Variants in GLI3 observed in about 807,000 individuals in gnomAD.
GLI3 encodes the protein GLI family zinc finger 3.
GLI3 carries 20 observed loss-of-function variants against 100.8 expected under a neutral mutation model. That is an observed-to-expected ratio of 0.20 (90% CI 0.14 to 0.29). The LOEUF (loss-of-function observed/expected upper bound fraction) is 0.29, where lower values mean the gene tolerates loss of function less well. Among genes scored for constraint, GLI3 ranks in the 10% least tolerant of loss-of-function variants. The pLI is 1.00. For missense variants in GLI3, 2,040 were observed against 2,128.5 expected (o/e 0.96, Z 0.82); for synonymous variants, 938 against 860.5 (o/e 1.09, Z -1.58).
chr7:41,986,097 A>G (rs547933481), intron 10 of GLI3, among the ~76,000 whole-genome samples: 26 of 152,344 alleles, frequency 1.7e-4, no homozygotes, highest in African/African-American at 6.3e-4. Context: ...AGAGGACTCA[A>G]GACTTTGGGT....
chr7:42,264,165 T>C (rs1478933609), upstream of GLI3, among the ~76,000 whole-genome samples: 8 of 152,174 alleles, frequency 5.3e-5, no homozygotes, highest in Non-Finnish European at 7.3e-5. Flanking sequence ...GACTTCCCAG[T>C]ATGTCCATTG....
At chr7:42,140,403 C>A (rs192008033) in intron 3 of GLI3, among the ~76,000 whole-genome samples, 1 of 152,190 alleles carries the variant, frequency 6.6e-6, no homozygotes. Flanking sequence ...CAAATGGAAT[C>A]TTGCTTTATT....
chr7:42,049,701 T>C (rs889110782), intron 4 of GLI3, among the ~76,000 whole-genome samples: 3 of 152,170 alleles, frequency 2.0e-5, no homozygotes, highest in African/African-American at 7.2e-5. Context: ...AGACAGCCAC[T>C]TCTAGAATGG....
At chr7:42,201,040 A>T (rs538309409) in intron 2 of GLI3, among the ~76,000 whole-genome samples, 36 of 152,188 alleles carry the variant, frequency 2.4e-4, no homozygotes, top group Non-Finnish European at 5.1e-4. Flanking sequence ...GCCTGAAACC[A>T]CAGATAGTCC....
chr7:42,010,644 CA>C (rs1465313263), intron 10 of GLI3, among the ~76,000 whole-genome samples: 1 of 152,092 alleles, frequency 6.6e-6, no homozygotes, highest in African/African-American at 2.4e-5. Context: ...CTGAAGTGGA[CA>C]GGGGAAGGGG....
intron 10 of GLI3, among the ~76,000 whole-genome samples, chr7:41,981,977 C>G (rs1787680774): frequency 6.6e-6 from 1 of 152,130 alleles, no homozygotes; most frequent in South Asian, 2.1e-4. Flanking sequence ...AACACCCTTG[C>G]TGTTGTCTCC....
chr7:41,968,099 C>G (rs1787239147), intron 13 of GLI3, among the ~76,000 whole-genome samples, 176 bp from the exon 14 acceptor site: 1 of 152,144 alleles, frequency 6.6e-6, no homozygotes. Context: ...GACGGATGGA[C>G]CACCAGGCTG....
At chr7:42,212,302 A>G (rs1788287399) in intron 2 of GLI3, among the ~76,000 whole-genome samples, 1 of 152,248 alleles carries the variant, frequency 6.6e-6, no homozygotes, top group African/African-American at 2.4e-5. Flanking sequence ...CTGCATAAGA[A>G]ACTCCTGAAT....
At chr7:42,220,979 G>A (rs546387459) in intron 2 of GLI3, among the ~76,000 whole-genome samples, 1 of 152,320 alleles carries the variant, frequency 6.6e-6, no homozygotes, top group East Asian at 1.9e-4. Context: ...AACAGGACAG[G>A]ATTCATACAC....
At chr7:42,188,708 CTT>C (rs747497474) in intron 2 of GLI3, among the ~76,000 whole-genome samples, 9 of 152,100 alleles carry the variant, frequency 5.9e-5, no homozygotes, top group Non-Finnish European at 1.3e-4. Context: ...ATGGAGGAAA[CTT>C]ATATCACTAA....
chr7:42,052,527 C>T (rs375443123), intron 4 of GLI3, among the ~76,000 whole-genome samples: 20 of 152,298 alleles, frequency 1.3e-4, no homozygotes, highest in African/African-American at 4.3e-4. Context: ...TTTCCTTATA[C>T]ACAAAATTGG....
At chr7:42,239,611 A>G (rs1254365771), upstream of GLI3, among the ~76,000 whole-genome samples, 2 of 152,236 alleles carry the variant, frequency 1.3e-5, no homozygotes, top group Non-Finnish European at 2.9e-5. Flanking sequence ...ATCAAATAAT[A>G]GAATAAACTA....
chr7:41,993,176 G>A (rs577832714), intron 10 of GLI3, among the ~76,000 whole-genome samples: 11 of 152,174 alleles, frequency 7.2e-5, no homozygotes, highest in Non-Finnish European at 1.3e-4. Flanking sequence ...GAGGAAACCC[G>A]AGGACCACAC....
chr7:42,063,310 T>A (rs1049585947), intron 4 of GLI3, among the ~76,000 whole-genome samples: 45 of 152,224 alleles, frequency 3.0e-4, no homozygotes, highest in African/African-American at 8.4e-4. Flanking sequence ...CAAATACATA[T>A]GACATACTAC....
chr7:42,019,219 C>T (rs1419503090), intron 10 of GLI3, among the ~76,000 whole-genome samples: 2 of 152,134 alleles, frequency 1.3e-5, no homozygotes, highest in Non-Finnish European at 2.9e-5. Flanking sequence ...TGACTCCACA[C>T]TGAGATGGAA....
rs1787003221 is a variant in GLI3, at chr7:41,961,204, T to TTTAG, written c.*3125_*3126insCTAA. ...CTTTTAAAAAAAGGATTACACATTT[T>TTTAG]ATTTTTTAAAAAAATCTAAAAAAGG... On this transcript the variant is annotated 3_prime_UTR_variant, in exon 15 of 15. Transcript: ENST00000395925. 6.5e-6 allele frequency: 1 copy of TTTAG among 152,688 alleles called. No homozygotes were observed. Among genetic ancestry groups the TTTAG allele is most frequent in the African/African-American group, 2.4e-5 (1 of 41,474 alleles). 9.5% of individuals were successfully genotyped at this position (152,688 alleles called of 1,614,324 possible).
At chr7:41,983,551 G>T (rs1787732309) in intron 10 of GLI3, among the ~76,000 whole-genome samples, 1 of 152,142 alleles carries the variant, frequency 6.6e-6, no homozygotes, top group Admixed American at 6.5e-5. Context: ...TGACTTCCCA[G>T]CAGTGAAAAC....
At chr7:42,223,006 T>A in intron 2 of GLI3, 124 bp downstream of exon 2, 61 of 899,548 alleles carry the variant, frequency 6.8e-5, no homozygotes, top group Non-Finnish European at 8.2e-5. Flanking sequence ...CCCTGCTCCA[T>A]TTGCTTTCTT....
At chr7:42,107,750 C>T (rs186932863) in intron 3 of GLI3, among the ~76,000 whole-genome samples, 2 of 152,288 alleles carry the variant, frequency 1.3e-5, no homozygotes, top group Admixed American at 6.5e-5. Flanking sequence ...TCTCTGGGGA[C>T]ACTTCACAAA....
Sources: gnomAD v4.1 joint callset for allele counts (sites outside exome capture counted in the v4.1 genomes callset) on GRCh38, gnomAD v4.1.1 for gene constraint, MANE v1.5 for transcripts, NCBI Gene and HGNC (gene_info 2026-07-23, HGNC 2026-07-21) for gene names.